Variants in SPAG16 observed in about 807,000 individuals in gnomAD.
SPAG16 encodes the protein sperm-associated antigen 16 protein.
A neutral mutation model predicts 80.4 loss-of-function variants in SPAG16; 86 were observed. The ratio of observed to expected loss-of-function variants is 1.07; its 90% CI spans 0.90 to 1.28. SPAG16 has a LOEUF of 1.28. Among genes scored for constraint, SPAG16 ranks in the 50% most tolerant of loss-of-function variants. SPAG16 has a pLI of 0.00. For missense variants in SPAG16, 870 were observed against 765.3 expected (o/e 1.14, Z -1.61); for synonymous variants, 294 against 265.9 (o/e 1.11, Z -1.03).
intron 10 of SPAG16, among the ~76,000 whole-genome samples, chr2:213,676,271 C>G (rs528232554): frequency 2.6e-5 from 4 of 151,798 alleles, no homozygotes; most frequent in South Asian, 4.2e-4. Context: ...ATCAGCTTAA[C>G]GAGATTTTGG....
intron 10 of SPAG16, among the ~76,000 whole-genome samples, chr2:213,640,205 G>A (rs1346635712): frequency 6.6e-6 from 1 of 152,070 alleles, no homozygotes; most frequent in Non-Finnish European, 1.5e-5. Context: ...GTGCCTCCTT[G>A]AGTAGCTTAA....
chr2:214,164,100 T>C (rs1336627526), intron 15 of SPAG16, among the ~76,000 whole-genome samples: 1 of 152,126 alleles, frequency 6.6e-6, no homozygotes, highest in Non-Finnish European at 1.5e-5. Flanking sequence ...CCCTTGATGA[T>C]CTTATTTCTT....
chr2:213,942,192 G>A (rs1324167084), intron 12 of SPAG16, among the ~76,000 whole-genome samples: 1 of 151,996 alleles, frequency 6.6e-6, no homozygotes, highest in Non-Finnish European at 1.5e-5. Context: ...CTAATTCTCT[G>A]CCTGCTTTGC....
At chr2:213,684,998 A>G (rs1009369142) in intron 10 of SPAG16, among the ~76,000 whole-genome samples, 1 of 152,226 alleles carries the variant, frequency 6.6e-6, no homozygotes, top group African/African-American at 2.4e-5. Flanking sequence ...AGATCAAGGA[A>G]GTCCTCTTTA....
chr2:214,167,952 TC>T (rs2056724183), intron 15 of SPAG16, among the ~76,000 whole-genome samples: 1 of 151,198 alleles, frequency 6.6e-6, no homozygotes, highest in South Asian at 2.1e-4. Flanking sequence ...ATTTTTCTTT[TC>T]TTTTTCTTTT....
chr2:213,915,360 ATGAG>A (rs1214440563), intron 11 of SPAG16, among the ~76,000 whole-genome samples: 6 of 150,320 alleles, frequency 4.0e-5, no homozygotes, highest in African/African-American at 1.5e-4. Context: ...CCTCCCACTT[ATGAG>A]TGAGAACATG....
intron 6 of SPAG16, among the ~76,000 whole-genome samples, chr2:213,341,681 G>A (rs1463620981): frequency 6.6e-6 from 1 of 152,016 alleles, no homozygotes; most frequent in Non-Finnish European, 1.5e-5. Flanking sequence ...ACAGGTGCAT[G>A]CCACCATACC....
intron 8 of SPAG16, among the ~76,000 whole-genome samples, chr2:213,369,337 A>T (rs996565684): frequency 6.6e-6 from 1 of 152,222 alleles, no homozygotes; most frequent in African/African-American, 2.4e-5. Context: ...TTCCTTTTCT[A>T]ATTTCCTCAG....
chr2:213,883,116 C>A (rs1288853547), intron 11 of SPAG16, among the ~76,000 whole-genome samples: 1 of 152,216 alleles, frequency 6.6e-6, no homozygotes, highest in African/African-American at 2.4e-5. Flanking sequence ...AATTTGAGAT[C>A]TCTCTAACTT....
At chr2:213,651,431 G>A (rs887525311) in intron 10 of SPAG16, among the ~76,000 whole-genome samples, 1 of 152,118 alleles carries the variant, frequency 6.6e-6, no homozygotes, top group East Asian at 1.9e-4. Flanking sequence ...AGGAGAAACC[G>A]GTACTTCCTT....
At chr2:213,411,232 G>T (rs2068948641) in intron 9 of SPAG16, among the ~76,000 whole-genome samples, 3 of 152,170 alleles carry the variant, frequency 2.0e-5, no homozygotes, top group African/African-American at 4.8e-5. Flanking sequence ...GCCCCTTATA[G>T]GTCTTTCGAC....
At chr2:213,944,394 A>G (rs557557676) in intron 12 of SPAG16, among the ~76,000 whole-genome samples, 71 of 152,170 alleles carry the variant, frequency 4.7e-4, no homozygotes, top group Non-Finnish European at 7.9e-4. Context: ...GACCTGACAC[A>G]TCTTTCTTTC....
chr2:213,597,922 A>G (rs112958940), intron 10 of SPAG16, among the ~76,000 whole-genome samples: 12 of 152,134 alleles, frequency 7.9e-5, no homozygotes, highest in African/African-American at 2.4e-4. Flanking sequence ...CCCTTTTTCA[A>G]TTTTGGAAAG....
chr2:213,458,144 T>G (rs1239435702), intron 9 of SPAG16, among the ~76,000 whole-genome samples: 1 of 152,194 alleles, frequency 6.6e-6, no homozygotes, highest in Non-Finnish European at 1.5e-5. Flanking sequence ...AAGACTCCAT[T>G]ATTATTGTTA....
At chr2:213,939,384 T>C (rs1320002758) in intron 12 of SPAG16, among the ~76,000 whole-genome samples, 1 of 152,172 alleles carries the variant, frequency 6.6e-6, no homozygotes, top group Non-Finnish European at 1.5e-5. Flanking sequence ...GACTTGGTCA[T>C]TGATCAAAAG....
intron 9 of SPAG16, among the ~76,000 whole-genome samples, chr2:213,442,009 G>T (rs142612914): frequency 6.6e-6 from 1 of 152,176 alleles, no homozygotes; most frequent in African/African-American, 2.4e-5. Flanking sequence ...AAAGTTAGCC[G>T]TAGTGGCACA....
intron 12 of SPAG16, among the ~76,000 whole-genome samples, chr2:213,987,409 T>C (rs1364742750): frequency 6.6e-6 from 1 of 152,092 alleles, no homozygotes; most frequent in Non-Finnish European, 1.5e-5. Context: ...TGTTTAATGG[T>C]CCATGCTACC....
intron 10 of SPAG16, among the ~76,000 whole-genome samples, chr2:213,737,584 T>A (rs2067345329): frequency 6.6e-6 from 1 of 151,286 alleles, no homozygotes; most frequent in Admixed American, 6.6e-5. Context: ...GCCTCCCAGG[T>A]TCACGCCATT....
At chr2:213,896,473 G>A (rs1184913973) in intron 11 of SPAG16, among the ~76,000 whole-genome samples, 6 of 151,294 alleles carry the variant, frequency 4.0e-5, no homozygotes, top group Admixed American at 6.6e-5. Flanking sequence ...TCAGTATATC[G>A]AAGAGACATT....
Sources: gnomAD v4.1 joint callset for allele counts (sites outside exome capture counted in the v4.1 genomes callset) on GRCh38, gnomAD v4.1.1 for gene constraint, MANE v1.5 for transcripts, NCBI Gene and HGNC (gene_info 2026-07-23, HGNC 2026-07-21) for gene names.